The following NF1 variants were observed in gnomAD, a reference collection of about 807,000 sequenced individuals.
NF1 encodes the protein neurofibromin 1, also known as neurofibromin.
NF1 carries 122 observed loss-of-function variants against 325.7 expected under a neutral mutation model. The observed-to-expected ratio is 0.37, with a 90% CI of 0.32 to 0.44. The LOEUF (loss-of-function observed/expected upper bound fraction) is 0.44, where lower values mean the gene tolerates loss of function less well. Ranked by LOEUF, NF1 falls within the 20% of genes least tolerant of loss-of-function variation. The probability of loss-of-function intolerance (pLI) is 1.00; values close to 1 mark genes in which losing one functional copy is unlikely to be tolerated. For synonymous variants in NF1, 1,091 were observed against 1,186.0 expected (o/e 0.92, Z 1.65); for missense variants, 2,140 against 3,415.4 (o/e 0.63, Z 9.31).
intron 36 of NF1, among the ~76,000 whole-genome samples, chr17:31,284,632 G>T (rs2068189209): frequency 6.6e-6 from 1 of 151,724 alleles, no homozygotes; most frequent in Non-Finnish European, 1.5e-5. Flanking sequence ...TGTTGGCCAG[G>T]CTGGTCTCAT....
chr17:31,257,525 G>A (rs17880309), intron 31 of NF1, among the ~76,000 whole-genome samples: 3,934 of 152,186 alleles, frequency 0.026, 191 homozygotes, highest in African/African-American at 0.09. Context: ...AATGTAGAAT[G>A]TTTTATAAAG....
chr17:31,105,870 C>A (rs1912814822), intron 1 of NF1, among the ~76,000 whole-genome samples: 1 of 152,192 alleles, frequency 6.6e-6, no homozygotes, highest in African/African-American at 2.4e-5. Context: ...TCCCGTGTCC[C>A]ACCCCCACCA....
intron 1 of NF1, among the ~76,000 whole-genome samples, chr17:31,097,929 C>G (rs998677299): frequency 6.6e-6 from 1 of 151,950 alleles, no homozygotes; most frequent in African/African-American, 2.4e-5. Flanking sequence ...AACTCCTGAC[C>G]TCAGGTGATC....
chr17:31,246,033 A>G (rs17881943), intron 29 of NF1, among the ~76,000 whole-genome samples: 12,848 of 152,230 alleles, frequency 0.084, 724 homozygotes, highest in Non-Finnish European at 0.13. Flanking sequence ...TTTAAGAGCA[A>G]TGTATCAGGA....
At chr17:31,275,589 T>C (rs2067991127) in intron 36 of NF1, among the ~76,000 whole-genome samples, 1 of 152,236 alleles carries the variant, frequency 6.6e-6, no homozygotes, top group South Asian at 2.1e-4. Context: ...GGTTCAATAC[T>C]GTAATTCTGT....
At chr17:31,332,255 G>A (rs2069519361) in intron 39 of NF1, among the ~76,000 whole-genome samples, 1 of 152,096 alleles carries the variant, frequency 6.6e-6, no homozygotes, top group Non-Finnish European at 1.5e-5. Context: ...CACAAGGTAA[G>A]GAGTTCGAGA....
chr17:31,246,739 C>T lies in NF1; in HGVS notation c.3975-2245C>T, dbSNP rs148896339. 9.2e-4 allele frequency among the ~76,000 whole-genome samples: 140 copies of T among 152,134 alleles called. No individual in the cohort carries two copies. In the East Asian group the frequency reaches 0.02, roughly 21 times the overall value. On this transcript the variant is annotated intron_variant, in intron 29 of 57. Coordinates refer to ENST00000358273, the MANE Select transcript of NF1 (RefSeq NM_001042492.3). ...CTACATAAAGTAGGCATTATTAGTCCTGTATTATTGATGAGAAAAAATGAC... is the reference window on the plus strand; with the variant it reads ...CTACATAAAGTAGGCATTATTAGTCTTGTATTATTGATGAGAAAAAATGAC...
intron 34 of NF1, among the ~76,000 whole-genome samples, chr17:31,260,825 G>T (rs565160938): frequency 2.0e-4 from 30 of 152,154 alleles, no homozygotes; most frequent in African/African-American, 7.2e-4. Flanking sequence ...TCAGATTAGC[G>T]TTGGCATTTG....
At chr17:31,177,799 G>A (rs544992201) in intron 5 of NF1, among the ~76,000 whole-genome samples, 14 of 151,998 alleles carry the variant, frequency 9.2e-5, no homozygotes, top group African/African-American at 3.4e-4. Context: ...ATGAAATAAA[G>A]CGAGAAGACA....
intron 12 of NF1, among the ~76,000 whole-genome samples, chr17:31,207,829 A>C (rs919662018): frequency 2.0e-5 from 3 of 152,160 alleles, no homozygotes; most frequent in African/African-American, 7.2e-5. Context: ...GGGAAATCAG[A>C]AGTTTATTTG....
In NF1 at chr17:31,352,390, C is replaced by T. The variant is rs1555536372; in HGVS notation, c.7591C>T (p.Gln2531Ter). 6.2e-7 allele frequency: 1 copy of T among 1,613,594 alleles called. No individual in the cohort carries two copies. The highest frequency in any genetic ancestry group is 8.5e-7 in the Non-Finnish European group (1 of 1,179,746). ...SMSLDMGQPS[Q>*]ANTKKLLGTR... Reference sequence around the variant, plus strand: ...GAGCCTGGACATGGGGCAACCTTCTCAGGCCAACACTAAGAAGTTGCTTGG... The same window carrying T: ...GAGCCTGGACATGGGGCAACCTTCTTAGGCCAACACTAAGAAGTTGCTTGG... The change falls in exon 51 of 58, where the codon CAG becomes TAG. Residue 2531 changes from glutamine (Q) to a stop codon, truncating the protein, a stop_gained. Coordinates refer to ENST00000358273, the MANE Select transcript of NF1 (RefSeq NM_001042492.3). LOFTEE classifies it high-confidence loss of function.
At chr17:31,289,521 A>G (rs7503688) in intron 36 of NF1, among the ~76,000 whole-genome samples, 2 of 152,278 alleles carry the variant, frequency 1.3e-5, no homozygotes, top group South Asian at 2.1e-4. Flanking sequence ...CTTGGTCTAC[A>G]GTGTTAGTTA....
intron 48 of NF1, 32 bp from the exon 49 acceptor site, chr17:31,349,088 T>C: frequency 1.4e-6 from 2 of 1,477,932 alleles, no homozygotes; most frequent in Non-Finnish European, 1.8e-6. Context: ...AATTCTTACT[T>C]GTTTGTTTGT....
intron 29 of NF1, among the ~76,000 whole-genome samples, chr17:31,243,089 C>T (rs960852999): frequency 6.6e-6 from 1 of 152,094 alleles, no homozygotes; most frequent in East Asian, 1.9e-4. Flanking sequence ...TGCATAAGAT[C>T]CTGGAGAATT....
chr17:31,257,251 CAG>C (rs1210294146), intron 31 of NF1, among the ~76,000 whole-genome samples: 1 of 152,138 alleles, frequency 6.6e-6, no homozygotes, highest in South Asian at 2.1e-4. Context: ...CTTGACATCA[CAG>C]AATATTGAGT....
At chr17:31,153,263 T>C (rs1917072525) in intron 1 of NF1, among the ~76,000 whole-genome samples, 1 of 152,232 alleles carries the variant, frequency 6.6e-6, no homozygotes, top group African/African-American at 2.4e-5. Flanking sequence ...AACTTTAAAC[T>C]TTTGATTTCT....
At chr17:31,153,284 A>C (rs1917074037) in intron 1 of NF1, among the ~76,000 whole-genome samples, 1 of 152,262 alleles carries the variant, frequency 6.6e-6, no homozygotes, top group Non-Finnish European at 1.5e-5. Flanking sequence ...TGTCTATACC[A>C]GCTATGTTAC....
intron 29 of NF1, among the ~76,000 whole-genome samples, chr17:31,239,251 A>C (rs962886901): frequency 3.9e-5 from 6 of 152,210 alleles, no homozygotes; most frequent in African/African-American, 1.4e-4. Context: ...AAGAATCAAA[A>C]GAGAAGGCTA....
At chr17:31,154,438 AAGGAGATATGGTCACAAAGAAT>A (rs1326381275) in intron 1 of NF1, among the ~76,000 whole-genome samples, 1 of 152,156 alleles carries the variant, frequency 6.6e-6, no homozygotes, top group African/African-American at 2.4e-5. Context: ...CATACTGGAA[AAGGAGATATGGTCACAAAGAAT>A]AGGAGATGTT....
Sources: gnomAD v4.1 joint callset for allele counts (sites outside exome capture counted in the v4.1 genomes callset) on GRCh38, gnomAD v4.1.1 for gene constraint, MANE v1.5 for transcripts, NCBI Gene and HGNC (gene_info 2026-07-23, HGNC 2026-07-21) for gene names.